The following FBXL7 variants were observed in gnomAD, a reference collection of about 807,000 sequenced individuals.
FBXL7 encodes the protein F-box/LRR-repeat protein 7.
Under a neutral mutation model 38.3 loss-of-function variants are expected in FBXL7, and 12 were observed. The ratio of observed to expected loss-of-function variants is 0.31; its 90% confidence interval spans 0.20 to 0.51. The LOEUF is 0.51. FBXL7 is among the 20% of genes least tolerant of loss of function. FBXL7 has a pLI of 0.98. For synonymous variants in FBXL7, 297 were observed against 300.9 expected (o/e 0.99, Z 0.13); for missense variants, 567 against 676.4 (o/e 0.84, Z 1.79).
At chr5:15,709,359 C>A (rs1229391460) in intron 2 of FBXL7, among the ~76,000 whole-genome samples, 1 of 151,982 alleles carries the variant, frequency 6.6e-6, no homozygotes, top group Admixed American at 6.6e-5. Context: ...CATGGTACAA[C>A]CCTGTCTCTA....
intron 2 of FBXL7, among the ~76,000 whole-genome samples, chr5:15,725,110 A>G (rs770715901): frequency 2.0e-5 from 3 of 151,932 alleles, no homozygotes; most frequent in Non-Finnish European, 4.4e-5. Context: ...ATTAATTGAC[A>G]TTTTCTAGTA....
chr5:15,650,804 A>C (rs1741683510), intron 2 of FBXL7, among the ~76,000 whole-genome samples: 1 of 152,188 alleles, frequency 6.6e-6, no homozygotes, highest in African/African-American at 2.4e-5. Flanking sequence ...TGATCATGAG[A>C]TTGCAGCAAT....
At chr5:15,882,283 A>T (rs1361689142) in intron 2 of FBXL7, among the ~76,000 whole-genome samples, 1 of 152,168 alleles carries the variant, frequency 6.6e-6, no homozygotes, top group Non-Finnish European at 1.5e-5. Context: ...CTGACTAGTC[A>T]CACCGGATAT....
intron 2 of FBXL7, among the ~76,000 whole-genome samples, chr5:15,860,548 G>T (rs150863537): frequency 1.1e-4 from 16 of 152,196 alleles, no homozygotes; most frequent in African/African-American, 3.4e-4. Context: ...TTTTAGTTTC[G>T]GATAAGCTTA....
chr5:15,782,633 T>C (rs937895674), intron 2 of FBXL7, among the ~76,000 whole-genome samples: 2 of 152,124 alleles, frequency 1.3e-5, no homozygotes, highest in African/African-American at 4.8e-5. Flanking sequence ...AGCTTAAAGA[T>C]GGTGTTTCTT....
chr5:15,669,232 T>A (rs13190262), intron 2 of FBXL7, among the ~76,000 whole-genome samples: 24,582 of 152,202 alleles, frequency 0.16, 2,077 homozygotes, highest in Middle Eastern at 0.18. Context: ...AAGTGTAGAA[T>A]GTTTTCTTAT....
At chr5:15,656,459 CAGAG>C (rs973314569) in intron 2 of FBXL7, among the ~76,000 whole-genome samples, 14 of 152,038 alleles carry the variant, frequency 9.2e-5, no homozygotes, top group Admixed American at 3.9e-4. Flanking sequence ...TGGCAGCAGT[CAGAG>C]AGAGAATGAG....
In FBXL7 at chr5:15,628,753, C is replaced by T. The variant is rs894905063; in HGVS notation, c.127+12681C>T. Reference sequence around the variant, plus strand: ...GCTCTCTTTTGAGTATAATTTTGAACTTAACATTATTCCCATTATTAAAAA... The same window carrying T: ...GCTCTCTTTTGAGTATAATTTTGAATTTAACATTATTCCCATTATTAAAAA... On this transcript the variant is annotated intron_variant, in intron 2 of 3. Coordinates refer to ENST00000504595, the MANE Select transcript of FBXL7 (RefSeq NM_012304.5). Among the ~76,000 whole-genome samples, 5 of 152,032 alleles carry T rather than the reference C, an allele frequency of 3.3e-5. No homozygotes were observed. In the South Asian group the frequency reaches 6.2e-4, roughly 19 times the overall value.
At chr5:15,688,219 G>A (rs950658544) in intron 2 of FBXL7, among the ~76,000 whole-genome samples, 4 of 152,130 alleles carry the variant, frequency 2.6e-5, no homozygotes, top group Admixed American at 6.5e-5. Context: ...AAGGGGACAC[G>A]ACCAGACATT....
chr5:15,903,247 A>C (rs551865995), intron 2 of FBXL7, among the ~76,000 whole-genome samples: 3 of 150,366 alleles, frequency 2.0e-5, no homozygotes, highest in African/African-American at 7.6e-5. Context: ...GATTCTGACA[A>C]ATAAATCCTG....
intron 1 of FBXL7, among the ~76,000 whole-genome samples, chr5:15,610,819 ATTATT>A (rs370900065): frequency 9.8e-5 from 15 of 152,312 alleles, no homozygotes; most frequent in African/African-American, 3.6e-4. Context: ...CTCAAACTGA[ATTATT>A]TTATTTAATT....
At chr5:15,598,917 T>C (rs193040515) in intron 1 of FBXL7, among the ~76,000 whole-genome samples, 38 of 152,176 alleles carry the variant, frequency 2.5e-4, no homozygotes, top group African/African-American at 8.4e-4. Flanking sequence ...AGGGATGAAA[T>C]GGATTCAGAA....
chr5:15,855,651 T>C (rs1739233398), intron 2 of FBXL7, among the ~76,000 whole-genome samples: 1 of 152,206 alleles, frequency 6.6e-6, no homozygotes, highest in Non-Finnish European at 1.5e-5. Flanking sequence ...ATTTCTATTT[T>C]TAAACTATAA....
intron 3 of FBXL7, among the ~76,000 whole-genome samples, chr5:15,933,818 C>T (rs566110888): frequency 1.3e-5 from 2 of 152,168 alleles, no homozygotes; most frequent in East Asian, 3.9e-4. Context: ...TTGGATATTG[C>T]GTGAAACAGC....
intron 2 of FBXL7, among the ~76,000 whole-genome samples, chr5:15,887,061 A>G (rs1399886452): frequency 1.3e-5 from 2 of 152,178 alleles, no homozygotes. Context: ...ACAAAGATTC[A>G]CTGCACTTAT....
At chr5:15,583,045 C>T (rs1739192226) in intron 1 of FBXL7, among the ~76,000 whole-genome samples, 1 of 152,046 alleles carries the variant, frequency 6.6e-6, no homozygotes, top group Non-Finnish European at 1.5e-5. Context: ...TTAATTCACA[C>T]TTCAGTATGG....
chr5:15,695,095 A>G (rs1292273177), intron 2 of FBXL7, among the ~76,000 whole-genome samples: 1 of 152,148 alleles, frequency 6.6e-6, no homozygotes. Context: ...GGATTAGGAG[A>G]ATTTTTTTAG....
chr5:15,662,745 A>G (rs1240941220), intron 2 of FBXL7, among the ~76,000 whole-genome samples: 2 of 152,096 alleles, frequency 1.3e-5, no homozygotes, highest in Non-Finnish European at 2.9e-5. Flanking sequence ...AGCACCATTT[A>G]TTGAATGTGG....
intron 1 of FBXL7, among the ~76,000 whole-genome samples, chr5:15,566,807 T>C (rs1163339958): frequency 6.6e-6 from 1 of 152,196 alleles, no homozygotes; most frequent in African/African-American, 2.4e-5. Flanking sequence ...TTAATGCCTT[T>C]CTGGACCTAT....
Sources: gnomAD v4.1 joint callset for allele counts (sites outside exome capture counted in the v4.1 genomes callset) on GRCh38, gnomAD v4.1.1 for gene constraint, MANE v1.5 for transcripts, NCBI Gene and HGNC (gene_info 2026-07-23, HGNC 2026-07-21) for gene names.